KLB: variants seen among roughly 807,000 people sequenced by gnomAD.
The protein encoded by KLB is klotho beta, also known as beta-klotho.
KLB carries 44 observed loss-of-function variants against 88.4 expected under a neutral mutation model. That is an observed-to-expected ratio of 0.50 (90% CI 0.39 to 0.64). KLB has a LOEUF of 0.64. Among genes scored for constraint, KLB ranks in the 30% least tolerant of loss-of-function variants. KLB has a pLI of 0.00. For missense variants in KLB, 1,137 were observed against 1,304.8 expected, an observed-to-expected ratio of 0.87 and a Z score of 1.98; for synonymous variants, 548 against 513.4, an observed-to-expected ratio of 1.07 and a Z score of -0.91.
chr4:39,424,455 C>T (rs1267852890), intron 1 of KLB, among the ~76,000 whole-genome samples: 1 of 151,652 alleles, frequency 6.6e-6, no homozygotes, highest in East Asian at 1.9e-4. Context: ...GAAATGCTTC[C>T]AATTGCAACT....
chr4:39,431,497 C>T (rs1338717654), intron 1 of KLB, among the ~76,000 whole-genome samples: 2 of 152,066 alleles, frequency 1.3e-5, no homozygotes, highest in East Asian at 1.9e-4. Flanking sequence ...GTGATCCGCC[C>T]GCCTCGGCCT....
intron 1 of KLB, among the ~76,000 whole-genome samples, chr4:39,432,196 A>G (rs1743380044): frequency 6.6e-6 from 1 of 152,118 alleles, no homozygotes; most frequent in Non-Finnish European, 1.5e-5. Context: ...CTGAGGTGGG[A>G]CGATCACTTG....
intron 1 of KLB, among the ~76,000 whole-genome samples, chr4:39,425,828 T>A (rs1443654736): frequency 6.6e-6 from 1 of 152,034 alleles, no homozygotes; most frequent in Non-Finnish European, 1.5e-5. Context: ...ATAGAAAACA[T>A]GAATTTGGGC....
chr4:39,429,452 C>T (rs1743291462), intron 1 of KLB, among the ~76,000 whole-genome samples: 1 of 152,194 alleles, frequency 6.6e-6, no homozygotes, highest in Non-Finnish European at 1.5e-5. Flanking sequence ...AAAAATGCTG[C>T]CACATTAAAC....
At chr4:39,431,127 G>A (rs2926042) in intron 1 of KLB, among the ~76,000 whole-genome samples, 89,160 of 144,900 alleles carry the variant, frequency 0.62, 28,729 homozygotes, top group Admixed American at 0.72. Flanking sequence ...ACGGGGTTTC[G>A]TCATGTTGAC....
chr4:39,428,343 G>A lies in KLB; in HGVS notation c.826-5867G>A, dbSNP rs144067592. Among the ~76,000 whole-genome samples, 357 of 151,672 alleles carry A rather than the reference G, an allele frequency of 2.4e-3. 3 individuals carry two copies. Among genetic ancestry groups the A allele is most frequent in the African/African-American group, 7.9e-3 (328 of 41,322 alleles). ...CTCAGGAGGCTGAGGCAGAAGAATC[G>A]CTTCAACCCAGGAGGTGGAGGTTGC... is the stretch of plus-strand genomic sequence containing the variant. On this transcript the variant is annotated intron_variant, in intron 1 of 4. Coordinates refer to ENST00000257408, the MANE Select transcript of KLB (RefSeq NM_175737.4).
intron 1 of KLB, among the ~76,000 whole-genome samples, chr4:39,430,687 G>A (rs926876345): frequency 3.6e-5 from 5 of 140,682 alleles, no homozygotes; most frequent in Non-Finnish European, 6.0e-5. Context: ...TGCAACCTCC[G>A]CCTCCTGGGT....
chr4:39,433,488 C>A (rs1452561158), intron 1 of KLB, among the ~76,000 whole-genome samples: 2 of 152,210 alleles, frequency 1.3e-5, no homozygotes, highest in Non-Finnish European at 2.9e-5. Flanking sequence ...TATTATTACT[C>A]ATTTATAGGA....
chr4:39,426,837 C>T (rs898172863), intron 1 of KLB, among the ~76,000 whole-genome samples: 1 of 151,934 alleles, frequency 6.6e-6, no homozygotes, highest in Non-Finnish European at 1.5e-5. Flanking sequence ...ACAGGCATGC[C>T]ACCATGCCTG....
intron 1 of KLB, among the ~76,000 whole-genome samples, chr4:39,426,006 A>G (rs1743201002): frequency 6.6e-6 from 1 of 151,976 alleles, no homozygotes; most frequent in Non-Finnish European, 1.5e-5. Flanking sequence ...TAATCCCAGC[A>G]CTTTGGGAGG....
In KLB at chr4:39,407,332, G is replaced by A; in HGVS notation, c.383G>A (p.Ser128Asn). 6.2e-7 allele frequency: 1 copy of A among 1,614,184 alleles called. No homozygotes were observed. The highest frequency in any genetic ancestry group is 8.5e-7 in the Non-Finnish European group (1 of 1,180,024). Residue 128 changes from serine (S) to asparagine (N), a missense_variant, in exon 1 of 5, where the codon AGT becomes AAT. By Grantham distance (46) the Ser-to-Asn change is conservative. Coordinates refer to ENST00000257408, the MANE Select transcript of KLB (RefSeq NM_175737.4). ...AATGTCAGCAGCACGAATGGTTCCA[G>A]TGACAGTTATATTTTTCTGGAAAAA... is the stretch of plus-strand genomic sequence containing the variant. ...LKNVSSTNGSSDSYIFLEKDL... is the reference protein window; with the variant it reads ...LKNVSSTNGSNDSYIFLEKDL...
chr4:39,448,254 A>C, intron 4 of KLB, 47 bp from the exon 5 acceptor site: 1 of 1,378,384 alleles, frequency 7.3e-7, no homozygotes, highest in Non-Finnish European at 9.9e-7. Flanking sequence ...CCTCAAAGAT[A>C]CTTCATAGTC....
At chr4:39,440,563 T>C (rs1578213026) in intron 3 of KLB, among the ~76,000 whole-genome samples, 1 of 152,316 alleles carries the variant, frequency 6.6e-6, no homozygotes, top group East Asian at 1.9e-4. Flanking sequence ...TCTCAACCCC[T>C]GTGGATATTT....
chr4:39,434,269 G>T lies in KLB; in HGVS notation c.885G>T (p.Trp295Cys), dbSNP rs189559969. The T allele has an allele frequency of 1.9e-5, 30 of 1,614,114 alleles. No homozygotes were observed. In the East Asian group the frequency reaches 5.1e-4, roughly 28 times the overall value. Residue 295 changes from tryptophan to cysteine, a missense_variant, in exon 2 of 5, where the codon TGG (tryptophan) becomes TGT (cysteine). By Grantham distance (215) the Trp-to-Cys change is radical. Around this residue, in one of 4 missense-constraint regions of KLB, gnomAD observed 597 missense variants for 765.2 expected, o/e 0.78. Transcript: ENST00000257408. ...NTHFRPHQKG[W>C]LSITLGSHWI... ...ATTTCCGCCCACATCAGAAGGGTTG[G>T]TTATCGATCACGTTGGGATCTCATT...
At chr4:39,409,475 A>G (rs1368937222) in intron 1 of KLB, among the ~76,000 whole-genome samples, 1 of 150,868 alleles carries the variant, frequency 6.6e-6, no homozygotes, top group African/African-American at 2.4e-5. Flanking sequence ...TGTTTTTAGT[A>G]GAGAGGGGTT....
At chr4:39,423,155 C>T (rs1041513397) in intron 1 of KLB, among the ~76,000 whole-genome samples, 1 of 151,900 alleles carries the variant, frequency 6.6e-6, no homozygotes, top group Non-Finnish European at 1.5e-5. Flanking sequence ...ATTCACTTAG[C>T]TTTTGACATC....
chr4:39,407,808 GA>G, intron 1 of KLB, 34 bp downstream of exon 1: 1 of 1,226,590 alleles, frequency 8.2e-7, no homozygotes, highest in Non-Finnish European at 1.1e-6. Context: ...TATAGCTTCA[GA>G]AAACACTAAG....
intron 2 of KLB, among the ~76,000 whole-genome samples, chr4:39,436,382 G>A (rs1365005834): frequency 1.3e-5 from 2 of 152,164 alleles, no homozygotes; most frequent in African/African-American, 4.8e-5. Context: ...CAAGGCTGAG[G>A]GTTCTGCCTA....
intron 1 of KLB, among the ~76,000 whole-genome samples, chr4:39,429,697 G>C (rs1743301280): frequency 6.6e-6 from 1 of 152,162 alleles, no homozygotes; most frequent in African/African-American, 2.4e-5. Context: ...GCAGGGCCCA[G>C]GTTGCACTCC....
Sources: gnomAD v4.1 joint callset for allele counts (sites outside exome capture counted in the v4.1 genomes callset) on GRCh38, gnomAD v4.1.1 for gene constraint, gnomAD v4.1.1 regional missense constraint, MANE v1.5 for transcripts, NCBI Gene and HGNC (gene_info 2026-07-23, HGNC 2026-07-21) for gene names.